CSTA: variants seen among roughly 807,000 people sequenced by gnomAD.
CSTA encodes cystatin A, also known as cystatin-A.
CSTA carries 9 observed loss-of-function variants against 9.2 expected under a neutral mutation model. The observed-to-expected ratio is 0.97, with a 90% CI of 0.59 to 1.70. The LOEUF (loss-of-function observed/expected upper bound fraction) is 1.70. Among genes scored for constraint, CSTA ranks in the 40% most tolerant of loss-of-function variants. The pLI is 0.00. For missense variants in CSTA, 118 were observed against 113.1 expected, an observed-to-expected ratio of 1.04 and a Z score of -0.20; for synonymous variants, 36 against 40.6, an observed-to-expected ratio of 0.89 and a Z score of 0.43.
intron 1 of CSTA, among the ~76,000 whole-genome samples, chr3:122,332,363 C>A (rs2107666391): frequency 6.6e-6 from 1 of 152,302 alleles, no homozygotes; most frequent in Non-Finnish European, 1.5e-5. Context: ...CAATAAATGT[C>A]CACAAGTCAC....
At chr3:122,341,031 T>C (rs2075262784) in intron 2 of CSTA, among the ~76,000 whole-genome samples, 1 of 151,776 alleles carries the variant, frequency 6.6e-6, no homozygotes, top group Non-Finnish European at 1.5e-5. Context: ...AACCTTCTCC[T>C]CCTGGGTTCA....
chr3:122,337,829 T>C (rs1415742705), intron 2 of CSTA, 181 bp downstream of exon 2: 10 of 624,578 alleles, frequency 1.6e-5, no homozygotes, highest in Non-Finnish European at 2.9e-5. Context: ...CCATTTTTTT[T>C]CTTGTGAATT....
chr3:122,334,150 A>G, intron 1 of CSTA, among the ~76,000 whole-genome samples: 1 of 151,998 alleles, frequency 6.6e-6, no homozygotes, highest in East Asian at 1.9e-4. Context: ...GTTTGTCCTC[A>G]CTATTTGTCT....
chr3:122,329,457 T>A (rs2075191037), intron 1 of CSTA, among the ~76,000 whole-genome samples: 1 of 152,062 alleles, frequency 6.6e-6, no homozygotes, highest in African/African-American at 2.4e-5. Context: ...TCCCAGCTAC[T>A]TGGGAGGCTT....
rs189365164 is a variant in CSTA, at chr3:122,339,746, T to C, written c.169-1693T>C. Reference sequence around the variant, plus strand: ...GATGCACACCAGTAGTCCTAGCTACTTGGGAAGCTGAGGTAGGAGGATCAC... The same window carrying C: ...GATGCACACCAGTAGTCCTAGCTACCTGGGAAGCTGAGGTAGGAGGATCAC... On this transcript the variant is annotated intron_variant, in intron 2 of 2. Transcript: ENST00000264474. Among the ~76,000 whole-genome samples, 154 of 152,300 alleles carry C rather than the reference T, an allele frequency of 1.0e-3. 2 individuals carry two copies. The highest frequency in any genetic ancestry group is 1.3e-4 in the Non-Finnish European group (9 of 68,028).
chr3:122,337,926 G>T (rs893681932), intron 2 of CSTA: 57 of 396,594 alleles, frequency 1.4e-4, no homozygotes, highest in Admixed American at 1.6e-4. Flanking sequence ...TGGATTTGTG[G>T]CTGTGCTGCT....
At chr3:122,335,718 G>A (rs998332271) in intron 1 of CSTA, among the ~76,000 whole-genome samples, 3 of 148,872 alleles carry the variant, frequency 2.0e-5, no homozygotes, top group Non-Finnish European at 3.0e-5. Flanking sequence ...TGCAACCTCC[G>A]CCTCCCAGGT....
At chr3:122,333,169 T>C (rs540202598) in intron 1 of CSTA, among the ~76,000 whole-genome samples, 1 of 152,262 alleles carries the variant, frequency 6.6e-6, no homozygotes, top group East Asian at 1.9e-4. Context: ...ATTACACAGA[T>C]ACGATGGAAA....
chr3:122,334,679 A>G (rs1310718307), intron 1 of CSTA, among the ~76,000 whole-genome samples: 1 of 152,190 alleles, frequency 6.6e-6, no homozygotes, highest in Non-Finnish European at 1.5e-5. Context: ...GACAGAAAAG[A>G]ATTGGGGTTG....
intron 1 of CSTA, among the ~76,000 whole-genome samples, chr3:122,335,362 A>G (rs1169878488): frequency 3.3e-5 from 5 of 152,208 alleles, no homozygotes; most frequent in Admixed American, 1.3e-4. Context: ...TGGATTATCC[A>G]GGTAAGCCCA....
chr3:122,333,130 C>T (rs1298781621), intron 1 of CSTA, among the ~76,000 whole-genome samples: 2 of 152,200 alleles, frequency 1.3e-5, no homozygotes, highest in Non-Finnish European at 1.5e-5. Flanking sequence ...TTTAAATCCC[C>T]TCTCTCATGG....
intron 1 of CSTA, among the ~76,000 whole-genome samples, chr3:122,328,723 G>A (rs2075184716): frequency 1.3e-5 from 2 of 151,570 alleles, no homozygotes; most frequent in East Asian, 4.0e-4. Context: ...ATCACCTGAG[G>A]TCAAGAGTTC....
chr3:122,325,255 T>C lies in CSTA; in HGVS notation c.-38T>C. ...CTCCACACTTCCCTGTTCACTTTGG[T>C]TCCAGCATCCTGTCCAGCAAAGAAG... On this transcript the variant is annotated 5_prime_UTR_variant, in exon 1 of 3. Coordinates refer to ENST00000264474, the MANE Select transcript of CSTA (RefSeq NM_005213.4). The C allele has an allele frequency of 6.2e-7, 1 of 1,608,130 alleles. No individual in the cohort carries two copies. Among genetic ancestry groups the C allele is most frequent in the Non-Finnish European group, 8.5e-7 (1 of 1,174,574 alleles).
At chr3:122,333,661 AAAAAAGG>A (rs2075219456) in intron 1 of CSTA, among the ~76,000 whole-genome samples, 1 of 150,304 alleles carries the variant, frequency 6.7e-6, no homozygotes, top group African/African-American at 2.5e-5. Flanking sequence ...GGAAAGGAAG[AAAAAAGG>A]AAGAAAGAAA....
chr3:122,332,198 C>A (rs1352075052), intron 1 of CSTA, among the ~76,000 whole-genome samples: 1 of 152,138 alleles, frequency 6.6e-6, no homozygotes, highest in South Asian at 2.1e-4. Flanking sequence ...TAAGAAAATG[C>A]CCCAGCTGAC....
intron 1 of CSTA, among the ~76,000 whole-genome samples, chr3:122,332,867 A>C (rs558678087): frequency 6.6e-6 from 1 of 152,268 alleles, no homozygotes; most frequent in Admixed American, 6.5e-5. Flanking sequence ...CCTAGTGCCC[A>C]TCCTGGGGAG....
intron 1 of CSTA, among the ~76,000 whole-genome samples, chr3:122,336,928 T>A (rs774312570): frequency 1.3e-5 from 2 of 152,024 alleles, no homozygotes; most frequent in Non-Finnish European, 2.9e-5. Context: ...ATCAAGGCCA[T>A]GAACAAAAAG....
At chr3:122,337,961 G>A (rs1165180160) in intron 2 of CSTA, 8 of 341,520 alleles carry the variant, frequency 2.3e-5, no homozygotes, top group South Asian at 1.3e-4. Context: ...GGAGGATCAC[G>A]TCTCATCTGC....
chr3:122,337,909 G>A (rs2075244544), intron 2 of CSTA: 1 of 429,876 alleles, frequency 2.3e-6, no homozygotes, highest in African/African-American at 2.0e-5. Context: ...AACAGTTCAG[G>A]GCATGCTGGA....
Sources: gnomAD v4.1 joint callset for allele counts (sites outside exome capture counted in the v4.1 genomes callset) on GRCh38, gnomAD v4.1.1 for gene constraint, MANE v1.5 for transcripts, NCBI Gene and HGNC (gene_info 2026-07-23, HGNC 2026-07-21) for gene names.